Variants in ERBB4 observed in about 807,000 individuals in gnomAD.
ERBB4 encodes the protein erb-b2 receptor tyrosine kinase 4, also known as receptor tyrosine-protein kinase erbB-4.
In ERBB4, 42 loss-of-function variants were observed where a neutral mutation model predicts 158.0. That is an observed-to-expected ratio of 0.27 (90% CI 0.21 to 0.34). The LOEUF (loss-of-function observed/expected upper bound fraction) is 0.34, where lower values mean the gene tolerates loss of function less well. Among genes scored for constraint, ERBB4 ranks in the 10% least tolerant of loss-of-function variants. ERBB4 has a pLI of 1.00. For synonymous variants in ERBB4, 583 were observed against 558.7 expected (o/e 1.04, Z -0.61); for missense variants, 1,333 against 1,624.1 (o/e 0.82, Z 3.08).
chr2:211,636,014 G>A (rs2070345360), intron 16 of ERBB4, among the ~76,000 whole-genome samples: 1 of 151,816 alleles, frequency 6.6e-6, no homozygotes, highest in South Asian at 2.1e-4. Context: ...TAAATAATTT[G>A]AAGAAAGGTC....
At chr2:211,910,447 C>T (rs1289026305) in intron 3 of ERBB4, among the ~76,000 whole-genome samples, 3 of 149,750 alleles carry the variant, frequency 2.0e-5, no homozygotes, top group Non-Finnish European at 4.5e-5. Flanking sequence ...AGCTGGAGGC[C>T]ATTATCCTTA....
chr2:212,433,291 G>A (rs2092069937), intron 1 of ERBB4, among the ~76,000 whole-genome samples: 3 of 151,898 alleles, frequency 2.0e-5, no homozygotes, highest in African/African-American at 7.2e-5. Context: ...ATAAGTGTGA[G>A]AATTCACATG....
At chr2:212,239,815 C>A (rs1239829389) in intron 1 of ERBB4, among the ~76,000 whole-genome samples, 1 of 151,984 alleles carries the variant, frequency 6.6e-6, no homozygotes, top group Non-Finnish European at 1.5e-5. Flanking sequence ...AAGAGAAAGA[C>A]AAGAATGTTT....
intron 19 of ERBB4, among the ~76,000 whole-genome samples, chr2:211,581,474 T>C (rs542421242): frequency 5.3e-5 from 8 of 152,256 alleles, no homozygotes; most frequent in African/African-American, 1.7e-4. Context: ...TTCAAGCCTA[T>C]GCTTACCACA....
intron 3 of ERBB4, among the ~76,000 whole-genome samples, chr2:211,936,118 C>A (rs1243702310): frequency 6.6e-6 from 1 of 151,838 alleles, no homozygotes; most frequent in African/African-American, 2.4e-5. Flanking sequence ...TACCCAGTAT[C>A]ATCCTATTCA....
intron 19 of ERBB4, among the ~76,000 whole-genome samples, chr2:211,594,120 TAACAACAAC>T (rs890493199): frequency 1.3e-5 from 2 of 151,864 alleles, no homozygotes; most frequent in Non-Finnish European, 2.9e-5. Context: ...ACCCAACCGA[TAACAACAAC>T]AACAACAACA....
At chr2:211,972,944 G>C (rs2081496151) in intron 2 of ERBB4, among the ~76,000 whole-genome samples, 1 of 152,010 alleles carries the variant, frequency 6.6e-6, no homozygotes, top group African/African-American at 2.4e-5. Flanking sequence ...CACAGCAAAA[G>C]AAACTATCAA....
intron 19 of ERBB4, among the ~76,000 whole-genome samples, chr2:211,590,999 T>C (rs1311984685): frequency 6.6e-6 from 1 of 152,208 alleles, no homozygotes; most frequent in Non-Finnish European, 1.5e-5. Flanking sequence ...TTAAAACACT[T>C]AAGCAACATA....
At chr2:211,933,454 C>T (rs1189307577) in intron 3 of ERBB4, among the ~76,000 whole-genome samples, 1 of 152,004 alleles carries the variant, frequency 6.6e-6, no homozygotes. Flanking sequence ...AAATTCATAT[C>T]AAATTTGATA....
At chr2:211,646,243 A>T (rs1221834579) in intron 16 of ERBB4, among the ~76,000 whole-genome samples, 1 of 151,522 alleles carries the variant, frequency 6.6e-6, no homozygotes, top group African/African-American at 2.4e-5. Context: ...TCTATTTAAT[A>T]CTCTAAGCAT....
intron 4 of ERBB4, among the ~76,000 whole-genome samples, chr2:211,760,357 G>A (rs150943327): frequency 4.6e-5 from 7 of 152,296 alleles, no homozygotes; most frequent in Admixed American, 2.0e-4. Context: ...TAGTCACTGA[G>A]TTGCATAAAA....
chr2:212,054,737 G>C lies in ERBB4; in HGVS notation c.234+70015C>G, dbSNP rs539470948. Among the ~76,000 whole-genome samples the C allele has an allele frequency of 6.3e-4, 96 of 152,268 alleles. 1 individual carries two copies. The highest frequency in any genetic ancestry group is 8.5e-4 in the Admixed American group (13 of 15,296). Reference sequence around the variant, plus strand: ...CAGATGCTTTTTCTGGAAGATGCTGGCTGCCAAACAGTGGCCTCAACTGTC... The same window carrying C: ...CAGATGCTTTTTCTGGAAGATGCTGCCTGCCAAACAGTGGCCTCAACTGTC... On this transcript the variant is annotated intron_variant, in intron 2 of 27. Transcript: ENST00000342788.
chr2:212,174,729 A>G (rs1237671292), intron 1 of ERBB4, among the ~76,000 whole-genome samples: 1 of 152,076 alleles, frequency 6.6e-6, no homozygotes, highest in African/African-American at 2.4e-5. Flanking sequence ...TTTGATGTCT[A>G]TCATGAGTAC....
chr2:212,520,915 C>T (rs954826451), intron 1 of ERBB4, among the ~76,000 whole-genome samples: 1 of 151,808 alleles, frequency 6.6e-6, no homozygotes, highest in African/African-American at 2.4e-5. Flanking sequence ...TCATGCATAG[C>T]CTTTACCTGA....
chr2:212,487,633 T>C (rs1034305858), intron 1 of ERBB4, among the ~76,000 whole-genome samples: 1 of 151,806 alleles, frequency 6.6e-6, no homozygotes, highest in African/African-American at 2.4e-5. Flanking sequence ...GAACTAGGAA[T>C]GCAACTGTGA....
intron 1 of ERBB4, among the ~76,000 whole-genome samples, chr2:212,313,987 T>C (rs1299484204): frequency 6.6e-6 from 1 of 150,996 alleles, no homozygotes; most frequent in Non-Finnish European, 1.5e-5. Context: ...AACTTTCAAA[T>C]ACACTTCCAG....
intron 20 of ERBB4, among the ~76,000 whole-genome samples, chr2:211,431,313 G>C (rs2063744404): frequency 6.6e-6 from 1 of 152,138 alleles, no homozygotes; most frequent in Admixed American, 6.5e-5. Context: ...CCTATGAGAT[G>C]AAAGAATTAC....
rs556141874 is a variant in ERBB4 at position 212,108,953 on chromosome 2, C to T, written c.234+15799G>A. ...CAGGTTTCTGTGATGGAGATGGCAG[C>T]GCACAGTAGGAGGGATGTGAGAATT... On this transcript the variant is annotated intron_variant, in intron 2 of 27. Coordinates refer to ENST00000342788, the MANE Select transcript of ERBB4 (RefSeq NM_005235.3). 2.5e-4 allele frequency among the ~76,000 whole-genome samples: 38 copies of T among 152,058 alleles called. No homozygotes were observed. The East Asian group carries it at 5.4e-3, about 22-fold the overall frequency.
chr2:212,339,132 G>A (rs2088583410), intron 1 of ERBB4, among the ~76,000 whole-genome samples: 1 of 152,018 alleles, frequency 6.6e-6, no homozygotes. Flanking sequence ...AGTCCAGCAT[G>A]CATTAGCTAT....
Sources: gnomAD v4.1 joint callset for allele counts (sites outside exome capture counted in the v4.1 genomes callset) on GRCh38, gnomAD v4.1.1 for gene constraint, MANE v1.5 for transcripts, NCBI Gene and HGNC (gene_info 2026-07-23, HGNC 2026-07-21) for gene names.